Variants in DHRSX observed in about 807,000 individuals in gnomAD.
DHRSX encodes the protein dehydrogenase/reductase X-linked.
DHRSX carries 31 observed loss-of-function variants against 34.0 expected under a neutral mutation model. That is an observed-to-expected ratio of 0.91 (90% CI 0.69 to 1.23). The LOEUF is 1.23. Among genes scored for constraint, DHRSX ranks in the 50% most tolerant of loss-of-function variants. The pLI is 0.00. For synonymous variants in DHRSX, 201 were observed against 183.8 expected, an observed-to-expected ratio of 1.09 and a Z score of -0.76; for missense variants, 414 against 428.1, an observed-to-expected ratio of 0.97 and a Z score of 0.29.
intron 1 of DHRSX, among the ~76,000 whole-genome samples, chrX:2,453,531 G>T (rs2044253943): frequency 6.6e-6 from 1 of 151,928 alleles, no homozygotes; most frequent in Non-Finnish European, 1.5e-5. Context: ...AATTAACCAG[G>T]TGTGGTGGTG....
rs1448166561 is a variant in DHRSX at position 2,464,453 on chromosome X, C to T, written c.109+36364G>A. ...CCTAAGAATGTGGGTAAGGGACCGC[C>T]GCCATGTTCGCACTGAAGACGCTCC... On this transcript the variant is annotated intron_variant, in intron 1 of 6. Coordinates refer to ENST00000334651, the MANE Select transcript of DHRSX (RefSeq NM_145177.3). Among the ~76,000 whole-genome samples the T allele has an allele frequency of 9.2e-5, 8 of 86,950 alleles. 1 individual carries two copies. The highest frequency in any genetic ancestry group is 8.5e-4 in the Admixed American group (8 of 9,422). The allele number at this position is 86,950 out of a possible 152,430, so 57.0% of individuals were successfully genotyped here. A position where few individuals can be genotyped will look rare whatever the true frequency, so the allele number is the denominator to read the frequency against.
chrX:2,240,225 G>A (rs777246106), intron 6 of DHRSX, among the ~76,000 whole-genome samples: 6 of 151,878 alleles, frequency 4.0e-5, no homozygotes, highest in Admixed American at 2.6e-4. Flanking sequence ...CCCAGGAGGC[G>A]GAGGTTGCAG....
intron 1 of DHRSX, among the ~76,000 whole-genome samples, chrX:2,436,497 T>TTATTATTAC (rs1217974470): frequency 1.1e-4 from 14 of 132,144 alleles, no homozygotes; most frequent in African/African-American, 4.3e-4. Context: ...ATTATTATTA[T>TTATTATTAC]TACTACTACT....
chrX:2,471,082 T>TA (rs2044585787), intron 1 of DHRSX, among the ~76,000 whole-genome samples: 1 of 152,198 alleles, frequency 6.6e-6, no homozygotes, highest in African/African-American at 2.4e-5. Flanking sequence ...TGTATACAAT[T>TA]ACTTTTTTTA....
Position 2,447,081 on chromosome X carries a change from C to T in DHRSX, c.110-21777G>A, listed in dbSNP as rs1238437662. ...CCTAAGCATGTGGCTAAGGGACCAC[C>T]GCCCTGTACACAAACCGTGTACACA... On this transcript the variant is annotated intron_variant, in intron 1 of 6. Transcript: ENST00000334651. Among the ~76,000 whole-genome samples, 3 of 151,176 alleles carry T rather than the reference C, an allele frequency of 2.0e-5. No individual in the cohort carries two copies. The East Asian group carries it at 5.9e-4, about 30-fold the overall frequency.
chrX:2,422,483 G>A (rs1446043776), intron 2 of DHRSX, among the ~76,000 whole-genome samples: 7 of 152,058 alleles, frequency 4.6e-5, no homozygotes, highest in Non-Finnish European at 8.8e-5. Context: ...GGATGGTCTC[G>A]ATCTCCTGAC....
intron 5 of DHRSX, among the ~76,000 whole-genome samples, chrX:2,257,391 C>T (rs999526727): frequency 3.3e-5 from 5 of 152,194 alleles, no homozygotes; most frequent in African/African-American, 9.6e-5. Context: ...CACAATAATT[C>T]GGGGAACACA....
At chrX:2,459,706 C>T (rs1302195065) in intron 1 of DHRSX, among the ~76,000 whole-genome samples, 1 of 151,904 alleles carries the variant, frequency 6.6e-6, no homozygotes, top group South Asian at 2.1e-4. Context: ...TTGAGGACAG[C>T]TATGACATAT....
chrX:2,365,385 C>A (rs375025611), intron 3 of DHRSX, among the ~76,000 whole-genome samples: 2 of 152,154 alleles, frequency 1.3e-5, no homozygotes, highest in East Asian at 3.9e-4. Context: ...AATGATCCAC[C>A]CATCTCGGCC....
At chrX:2,430,114 C>T (rs925582132) in intron 1 of DHRSX, among the ~76,000 whole-genome samples, 2 of 151,276 alleles carry the variant, frequency 1.3e-5, no homozygotes, top group African/African-American at 4.9e-5. Context: ...AGAGTTGAGG[C>T]CATGGAAAGA....
At chrX:2,419,855 T>A (rs1248600354) in intron 2 of DHRSX, among the ~76,000 whole-genome samples, 4 of 149,368 alleles carry the variant, frequency 2.7e-5, no homozygotes, top group Admixed American at 1.3e-4. Context: ...CATTAGGAGA[T>A]ATACCTAATG....
intron 1 of DHRSX, among the ~76,000 whole-genome samples, chrX:2,433,299 GT>G (rs1311285888): frequency 1.3e-5 from 2 of 152,042 alleles, no homozygotes; most frequent in African/African-American, 4.8e-5. Flanking sequence ...AAAAATAAGA[GT>G]TTATATACAG....
rs1029962043 is a variant in DHRSX, at chrX:2,253,344, C to T, written c.597-10114G>A. 4.5e-4 allele frequency among the ~76,000 whole-genome samples: 68 copies of T among 149,960 alleles called. 2 individuals are homozygous for T. In the East Asian group the frequency reaches 0.013, roughly 29 times the overall value. On this transcript the variant is annotated intron_variant, in intron 5 of 6. Coordinates refer to ENST00000334651, the MANE Select transcript of DHRSX (RefSeq NM_145177.3). ...TGGCCTTGAGCCAAGATGGCGTGGC[C>T]GCACTGCAGCCTGGGAGGCGGACAT...
chrX:2,291,675 A>T, intron 3 of DHRSX, 72 bp from the exon 4 acceptor site: 1 of 1,128,402 alleles, frequency 8.9e-7, no homozygotes, highest in Non-Finnish European at 1.4e-6. Context: ...AAATTTCTAA[A>T]CAGGTCAAAC....
At chrX:2,447,082 G>A (rs972757760) in intron 1 of DHRSX, among the ~76,000 whole-genome samples, 9 of 151,270 alleles carry the variant, frequency 5.9e-5, no homozygotes, top group African/African-American at 1.9e-4. Context: ...AGGGACCACC[G>A]CCCTGTACAC....
chrX:2,421,277 G>C (rs2043776203), intron 2 of DHRSX, among the ~76,000 whole-genome samples: 1 of 152,144 alleles, frequency 6.6e-6, no homozygotes, highest in Admixed American at 6.5e-5. Flanking sequence ...CTACTTGGGA[G>C]GCTGAGGTGG....
At chrX:2,339,049 T>A (rs1460268600) in intron 3 of DHRSX, among the ~76,000 whole-genome samples, 1 of 152,136 alleles carries the variant, frequency 6.6e-6, no homozygotes, top group Non-Finnish European at 1.5e-5. Context: ...CTTACTTAAG[T>A]GATCCTGAAT....
Position 2,500,918 on chromosome X carries a change from G to T in DHRSX, c.8C>A (p.Pro3Gln). MSPLSAARAALRV... is the reference protein window; with the variant it reads MSQLSAARAALRV... ...CAGGGCCGCCCGCGCCGCAGACAAT[G>T]GCGACATGGCTGCCCCGGCCGCGCC... The change falls in exon 1 of 7, where the codon CCA becomes CAA. Residue 3 changes from proline to glutamine, a missense_variant. Transcript: ENST00000334651. The T allele has an allele frequency of 9.1e-7, 1 of 1,094,316 alleles. No individual in the cohort carries two copies. Among genetic ancestry groups the T allele is most frequent in the Non-Finnish European group, 1.1e-6 (1 of 900,228 alleles). The allele number at this position is 1,094,316 out of a possible 1,614,324, so 67.8% of individuals were successfully genotyped here.
chrX:2,232,103 T>TC (rs1491473144), intron 6 of DHRSX, among the ~76,000 whole-genome samples: 3 of 147,460 alleles, frequency 2.0e-5, no homozygotes, highest in Non-Finnish European at 4.5e-5. Flanking sequence ...TCTTCCTTTT[T>TC]CTCTCTCTCC....
Sources: gnomAD v4.1 joint callset for allele counts (sites outside exome capture counted in the v4.1 genomes callset) on GRCh38, gnomAD v4.1.1 for gene constraint, MANE v1.5 for transcripts, NCBI Gene and HGNC (gene_info 2026-07-23, HGNC 2026-07-21) for gene names.